ACTR3C: variants seen among roughly 807,000 people sequenced by gnomAD.
ACTR3C encodes the protein actin-related protein 3C.
A neutral mutation model predicts 26.3 loss-of-function variants in ACTR3C; 18 were observed. That is an observed-to-expected ratio of 0.68 (90% CI 0.47 to 1.01). ACTR3C has a LOEUF of 1.01. Among genes scored for constraint, ACTR3C ranks in the 50% least tolerant of loss-of-function variants. The probability of loss-of-function intolerance (pLI) is 0.00; values close to 1 mark genes in which losing one functional copy is unlikely to be tolerated. For synonymous variants in ACTR3C, 55 were observed against 94.5 expected (o/e 0.58, Z 2.42); for missense variants, 184 against 250.7 (o/e 0.73, Z 1.80).
chr7:150,041,909 C>T, the ACTR3C span, among the ~76,000 whole-genome samples: 13 of 81,122 alleles, frequency 1.6e-4, no homozygotes, highest in Non-Finnish European at 3.7e-4. Flanking sequence ...GTCCTCAGAG[C>T]CAGGGGGGGA....
chr7:150,069,800 G>C, the ACTR3C span, among the ~76,000 whole-genome samples: 193 of 150,320 alleles, frequency 1.3e-3, 1 homozygote, highest in Middle Eastern at 0.01. Flanking sequence ...AATATGTCAG[G>C]CTGGCACGCT....
the ACTR3C span, among the ~76,000 whole-genome samples, chr7:149,999,292 T>G: frequency 6.6e-6 from 1 of 150,900 alleles, no homozygotes; most frequent in Non-Finnish European, 1.5e-5. Flanking sequence ...AGGAATTCGA[T>G]CATCTGTTTT....
At chr7:150,310,167 C>T (rs1796181445) in intron 1 of ACTR3C, among the ~76,000 whole-genome samples, 1 of 152,168 alleles carries the variant, frequency 6.6e-6, no homozygotes, top group African/African-American at 2.4e-5. Flanking sequence ...GCTACAGCCA[C>T]ACCTCACTGC....
At chr7:150,040,594 T>G in the ACTR3C span, 1 of 147,708 alleles carries the variant, frequency 6.8e-6, no homozygotes, top group Non-Finnish European at 1.5e-5. Flanking sequence ...GCAAATAACC[T>G]GCTTTCTTTC....
chr7:150,234,986 C>T, the ACTR3C span, among the ~76,000 whole-genome samples: 1 of 152,210 alleles, frequency 6.6e-6, no homozygotes, highest in Admixed American at 6.5e-5. Flanking sequence ...CCAAGTCTAT[C>T]AGGTATATCT....
chr7:150,192,774 A>G, the ACTR3C span, among the ~76,000 whole-genome samples: 3 of 152,270 alleles, frequency 2.0e-5, no homozygotes, highest in Non-Finnish European at 2.9e-5. Flanking sequence ...TTCATGGTGA[A>G]CCTTTTGTCC....
At chr7:150,023,822 G>T in the ACTR3C span, among the ~76,000 whole-genome samples, 1 of 143,670 alleles carries the variant, frequency 7.0e-6, no homozygotes, top group African/African-American at 2.5e-5. Context: ...TGGGCTGGTG[G>T]GCACGGCCGA....
the ACTR3C span, among the ~76,000 whole-genome samples, chr7:149,990,008 G>A: frequency 7.2e-5 from 11 of 152,144 alleles, no homozygotes; most frequent in East Asian, 1.9e-4. Flanking sequence ...GAAAGCACTC[G>A]GCGTCAGTGC....
At chr7:149,900,070 G>A in the ACTR3C span, among the ~76,000 whole-genome samples, 6 of 146,362 alleles carry the variant, frequency 4.1e-5, no homozygotes, top group African/African-American at 1.0e-4. Flanking sequence ...AAGACTTTCC[G>A]TTGAAATAAA....
chr7:149,903,475 A>G, the ACTR3C span, among the ~76,000 whole-genome samples: 1 of 150,282 alleles, frequency 6.7e-6, no homozygotes, highest in Non-Finnish European at 1.5e-5. Flanking sequence ...AAATATTTTG[A>G]CGACAGCAAC....
the ACTR3C span, among the ~76,000 whole-genome samples, chr7:150,027,095 G>A: frequency 6.9e-3 from 1,056 of 151,980 alleles, 16 homozygotes; most frequent in East Asian, 0.019. Context: ...CTCACACCCT[G>A]CCAATCTCTG....
the ACTR3C span, among the ~76,000 whole-genome samples, chr7:150,142,498 A>G: frequency 1.3e-5 from 2 of 152,060 alleles, no homozygotes; most frequent in Non-Finnish European, 2.9e-5. Flanking sequence ...TGTTCAAGCC[A>G]TTGTCTATTT....
the ACTR3C span, chr7:150,003,109 G>A: frequency 6.6e-6 from 1 of 152,282 alleles, no homozygotes; most frequent in Non-Finnish European, 1.5e-5. Flanking sequence ...CAAGTGGTGG[G>A]GGCACAGCCT....
At chr7:149,908,165 C>T in the ACTR3C span, among the ~76,000 whole-genome samples, 1 of 152,118 alleles carries the variant, frequency 6.6e-6, no homozygotes, top group African/African-American at 2.4e-5. Flanking sequence ...GAGAAGGCAG[C>T]CCTCTGCAGG....
chr7:150,070,448 T>C, the ACTR3C span, among the ~76,000 whole-genome samples: 1 of 152,118 alleles, frequency 6.6e-6, no homozygotes, highest in African/African-American at 2.4e-5. Flanking sequence ...GGGCCAAAAT[T>C]GCTACTTATT....
At chr7:150,137,319 T>C in the ACTR3C span, among the ~76,000 whole-genome samples, 44 of 152,344 alleles carry the variant, frequency 2.9e-4, no homozygotes, top group African/African-American at 7.5e-4. Flanking sequence ...TCGGGTTTTT[T>C]ACTTTGGTGC....
At chr7:149,943,926 C>T in the ACTR3C span, among the ~76,000 whole-genome samples, 11 of 143,556 alleles carry the variant, frequency 7.7e-5, no homozygotes, top group African/African-American at 2.9e-4. Context: ...TTTATGTACA[C>T]TGAAAACTTA....
At chr7:150,138,520 G>C in the ACTR3C span, among the ~76,000 whole-genome samples, 2 of 152,226 alleles carry the variant, frequency 1.3e-5, no homozygotes, top group African/African-American at 4.8e-5. Flanking sequence ...CTTTTGGAGA[G>C]CTAGTCATCC....
At chr7:149,996,823 T>C in the ACTR3C span, among the ~76,000 whole-genome samples, 1 of 151,210 alleles carries the variant, frequency 6.6e-6, no homozygotes, top group African/African-American at 2.4e-5. Flanking sequence ...AACCTGACTG[T>C]TATGCTCCCT....
Sources: allele counts gnomAD v4.1 joint callset (sites outside exome capture counted in the v4.1 genomes callset), GRCh38; gene constraint gnomAD v4.1.1; transcripts MANE v1.5; gene names NCBI Gene and HGNC (gene_info 2026-07-23, HGNC 2026-07-21).